Variants in FAM220A observed in about 807,000 individuals in gnomAD.
FAM220A encodes family with sequence similarity 220 member A, also known as protein FAM220A.
For synonymous variants in FAM220A, 141 were observed against 130.7 expected (o/e 1.08, Z -0.54); for missense variants, 392 against 321.6 (o/e 1.22, Z -1.68).
intron 1 of FAM220A, among the ~76,000 whole-genome samples, chr7:6,345,321 C>T (rs1178197821): frequency 2.0e-5 from 3 of 151,956 alleles, no homozygotes; most frequent in African/African-American, 4.8e-5. Context: ...TGCTGTGTTG[C>T]CCAGGCTGGT....
At chr7:6,338,979 G>A (rs1172307834) in intron 1 of FAM220A, among the ~76,000 whole-genome samples, 1 of 152,154 alleles carries the variant, frequency 6.6e-6, no homozygotes, top group African/African-American at 2.4e-5. Flanking sequence ...GTGAACGCTA[G>A]CACACCTTAA....
In FAM220A at chr7:6,330,501, G is replaced by A; in HGVS notation, c.654C>T (p.Pro218=). 1 of 1,614,144 alleles carries A rather than the reference G, an allele frequency of 6.2e-7. No homozygotes were observed. Among genetic ancestry groups the A allele is most frequent in the Non-Finnish European group, 8.5e-7 (1 of 1,180,026 alleles). ...TKRIFLDRLK[P]MFSKQTIEFK... The stretch of plus-strand genomic sequence containing the variant: ...ATTCTATTGTTTGCTTTGAAAACAT[G>A]GGCTTTAAACGGTCAAGGAAAATGC... The change falls in exon 2 of 2, where the codon CCC becomes CCT. Residue 218 remains proline, a synonymous_variant. Transcript: ENST00000313324.
Position 6,331,119 on chromosome 7 carries a change from C to G in FAM220A, c.36G>C (p.Leu12=). The change falls in exon 2 of 2, where the codon CTG becomes CTC. Residue 12 remains leucine (L), a synonymous_variant. Coordinates refer to ENST00000313324, the MANE Select transcript of FAM220A (RefSeq NM_001037163.2). ...CTCCTCCGGCCTGCTGCACTTGTGC[C>G]AGGCAGGTGCCGAGGGGCCCTCTTC... ...RDRRGPLGTC[L]AQVQQAGGGD... 6.2e-7 allele frequency: 1 copy of G among 1,613,220 alleles called. No homozygotes were observed. The highest frequency in any genetic ancestry group is 8.5e-7 in the Non-Finnish European group (1 of 1,179,952).
At chr7:6,334,243 A>C (rs896574840) in intron 1 of FAM220A, among the ~76,000 whole-genome samples, 17 of 148,640 alleles carry the variant, frequency 1.1e-4, no homozygotes, top group Non-Finnish European at 1.9e-4. Context: ...ATTTTTTTAA[A>C]GTTGTTGACT....
At chr7:6,345,679 G>C (rs765898482) in intron 1 of FAM220A, among the ~76,000 whole-genome samples, 4 of 152,096 alleles carry the variant, frequency 2.6e-5, no homozygotes, top group Non-Finnish European at 5.9e-5. Context: ...TAGACAAAAA[G>C]GGGAGTACAG....
chr7:6,342,066 A>G (rs1019092109), intron 1 of FAM220A: 2 of 152,140 alleles, frequency 1.3e-5, no homozygotes, highest in Non-Finnish European at 2.9e-5. Context: ...CACACATTCA[A>G]TGAGCAATCA....
chr7:6,342,847 G>A lies in FAM220A; in HGVS notation c.-82+5726C>T, dbSNP rs924060459. 7.9e-5 allele frequency among the ~76,000 whole-genome samples: 12 copies of A among 151,628 alleles called. No individual in the cohort carries two copies. The Admixed American group carries it at 7.9e-4, about 10-fold the overall frequency. On this transcript the variant is annotated intron_variant, in intron 1 of 1. Transcript: ENST00000313324. ...AGGCCAGGAGTTCGAGACCACCCTG[G>A]GCAACATAGTGAGACCCCATCTAGA... is the stretch of plus-strand genomic sequence containing the variant.
At position 6,330,538 on chromosome 7, in the gene FAM220A, T is replaced by C. The variant is rs759158359; in HGVS notation, c.617A>G (p.Glu206Gly). The change falls in exon 2 of 2, where the codon GAG becomes GGG. Residue 206 changes from glutamate (E) to glycine (G), a missense_variant. Physicochemically the swap from Glu to Gly is moderately conservative, Grantham distance 98. Coordinates refer to ENST00000313324, the MANE Select transcript of FAM220A (RefSeq NM_001037163.2). ...LHVYPEVLLS[E>G]ETKRIFLDRL... ...GTCAAGGAAAATGCGTTTTGTCTCC[T>C]CACTCAGGAGCACTTCGGGATACAC... The C allele has an allele frequency of 8.1e-6, 13 of 1,613,840 alleles. No homozygotes were observed. The highest frequency in any genetic ancestry group is 1.3e-5 in the African/African-American group (1 of 74,924).
At chr7:6,346,528 C>T (rs735414) in intron 1 of FAM220A, among the ~76,000 whole-genome samples, 1,897 of 152,144 alleles carry the variant, frequency 0.012, 35 homozygotes, top group South Asian at 0.067. Context: ...CACCACTGCC[C>T]GGCCACCACG....
In FAM220A at chr7:6,329,611, A is replaced by C. The variant is rs1781587423; in HGVS notation, c.*764T>G. ...AATGACCTTTATTAAAGTTATCAAC[A>C]GACGACAACAGGAGTCACCTTGAAA... On this transcript the variant is annotated 3_prime_UTR_variant, in exon 2 of 2. Coordinates refer to ENST00000313324, the MANE Select transcript of FAM220A (RefSeq NM_001037163.2). 6.3e-6 allele frequency: 1 copy of C among 159,872 alleles called. No individual in the cohort carries two copies. Among genetic ancestry groups the C allele is most frequent in the Non-Finnish European group, 1.5e-5 (1 of 68,090 alleles). The allele number at this position is 159,872 out of a possible 1,614,324, so 9.9% of individuals were successfully genotyped here.
intron 1 of FAM220A, among the ~76,000 whole-genome samples, chr7:6,347,283 G>A (rs1317712249): frequency 6.6e-6 from 1 of 152,188 alleles, no homozygotes; most frequent in Non-Finnish European, 1.5e-5. Context: ...GGGAGGTCGA[G>A]GCGGGCAGAT....
intron 1 of FAM220A, among the ~76,000 whole-genome samples, chr7:6,332,230 T>C (rs1016416293): frequency 6.6e-6 from 1 of 152,072 alleles, no homozygotes; most frequent in African/African-American, 2.4e-5. Flanking sequence ...AGCACCTTCA[T>C]TGTCTCTGAG....
chr7:6,343,675 T>A (rs978649609), intron 1 of FAM220A, among the ~76,000 whole-genome samples: 2 of 152,010 alleles, frequency 1.3e-5, no homozygotes, highest in Non-Finnish European at 1.5e-5. Flanking sequence ...AATAGTATTT[T>A]AAAATCATAA....
chr7:6,329,469 C>T lies in FAM220A; in HGVS notation c.*906G>A, dbSNP rs1328450751. On this transcript the variant is annotated 3_prime_UTR_variant, in exon 2 of 2. Coordinates refer to ENST00000313324, the MANE Select transcript of FAM220A (RefSeq NM_001037163.2). ...AATTTTATTTTTCATTTTCCCCAAA[C>T]ACTAAAATAGCACATGGCATAGTAA... 1 of 152,590 alleles carries T rather than the reference C, an allele frequency of 6.6e-6. No individual in the cohort carries two copies. The highest frequency in any genetic ancestry group is 2.4e-5 in the African/African-American group (1 of 41,442). 9.5% of individuals were successfully genotyped at this position (152,590 alleles called of 1,614,324 possible). A position where few individuals can be genotyped will look rare whatever the true frequency, so the allele number is the denominator to read the frequency against.
chr7:6,341,168 G>C lies in FAM220A; in HGVS notation c.-82+7405C>G, dbSNP rs1057141675. On this transcript the variant is annotated intron_variant, in intron 1 of 1. Coordinates refer to ENST00000313324, the MANE Select transcript of FAM220A (RefSeq NM_001037163.2). ...CAAAAAAAAAAATGAGTGCTGGCCA[G>C]GCACAGTGGCTCACCCCTGAAATCC... is the stretch of plus-strand genomic sequence containing the variant. 2.7e-5 allele frequency among the ~76,000 whole-genome samples: 4 copies of C among 147,162 alleles called. No homozygotes were observed. In the Admixed American group the frequency reaches 2.7e-4, roughly 10 times the overall value.
At chr7:6,336,630 G>A (rs1002178208) in intron 1 of FAM220A, among the ~76,000 whole-genome samples, 5 of 151,158 alleles carry the variant, frequency 3.3e-5, no homozygotes, top group Non-Finnish European at 7.4e-5. Flanking sequence ...GCTGCCGTGA[G>A]CCAAGATGGC....
intron 1 of FAM220A, among the ~76,000 whole-genome samples, chr7:6,333,375 C>T (rs1781677711): frequency 6.6e-6 from 1 of 152,028 alleles, no homozygotes; most frequent in African/African-American, 2.4e-5. Context: ...TCTGGCTACA[C>T]TGTGATGGAC....
intron 1 of FAM220A, among the ~76,000 whole-genome samples, chr7:6,335,892 G>C (rs1781734072): frequency 6.6e-6 from 1 of 151,942 alleles, no homozygotes; most frequent in South Asian, 2.1e-4. Flanking sequence ...TAAAAGAGTG[G>C]CCGGGAGCAG....
chr7:6,339,088 A>G (rs1781801040), intron 1 of FAM220A, among the ~76,000 whole-genome samples: 1 of 152,204 alleles, frequency 6.6e-6, no homozygotes, highest in Non-Finnish European at 1.5e-5. Flanking sequence ...CAATGACCAC[A>G]GCACTTCTAA....
Sources: gnomAD v4.1 joint callset for allele counts (sites outside exome capture counted in the v4.1 genomes callset) on GRCh38, gnomAD v4.1.1 for gene constraint, MANE v1.5 for transcripts, NCBI Gene and HGNC (gene_info 2026-07-23, HGNC 2026-07-21) for gene names.